The following DNAH7 variants were observed in gnomAD, a reference collection of about 807,000 sequenced individuals.
DNAH7 encodes the protein axonemal beta dynein heavy chain 7.
In DNAH7, 397 loss-of-function variants were observed where a neutral mutation model predicts 444.6. The observed-to-expected ratio is 0.89, with a 90% CI of 0.82 to 0.97. DNAH7 has a LOEUF of 0.97. Among genes scored for constraint, DNAH7 ranks in the 50% least tolerant of loss-of-function variants. The pLI is 0.00. For missense variants in DNAH7, 4,902 were observed against 4,800.8 expected, an observed-to-expected ratio of 1.02 and a Z score of -0.62; for synonymous variants, 1,636 against 1,624.4, an observed-to-expected ratio of 1.01 and a Z score of -0.17.
In DNAH7 at chr2:195,856,565, T is replaced by C. The variant is rs562611794; in HGVS notation, c.8415-574A>G. Among the ~76,000 whole-genome samples, 67 of 152,334 alleles carry C rather than the reference T, an allele frequency of 4.4e-4. 3 individuals carry two copies. Among genetic ancestry groups the C allele is most frequent in the Admixed American group, 2.4e-3 (37 of 15,294 alleles). ...AACATATATAGCACTACTATATATA[T>C]AGAATGATTAAAATTGGATATGAGT... On this transcript the variant is annotated intron_variant, in intron 44 of 64. Coordinates refer to ENST00000312428, the MANE Select transcript of DNAH7 (RefSeq NM_018897.3).
intron 38 of DNAH7, 129 bp downstream of exon 38, chr2:195,875,546 C>A (rs1227184823): frequency 5.7e-6 from 5 of 872,788 alleles, no homozygotes; most frequent in Non-Finnish European, 8.6e-6. Context: ...TGTTAGGTCA[C>A]AATAGATACA....
intron 63 of DNAH7, among the ~76,000 whole-genome samples, chr2:195,748,172 G>A (rs1693544567): frequency 6.6e-6 from 1 of 152,122 alleles, no homozygotes; most frequent in South Asian, 2.1e-4. Flanking sequence ...AAAATCACAA[G>A]CATTCTTATA....
chr2:195,868,974 T>C (rs1186598075), intron 40 of DNAH7, among the ~76,000 whole-genome samples: 5 of 151,642 alleles, frequency 3.3e-5, no homozygotes, highest in Non-Finnish European at 2.9e-5. Context: ...TGAACAGAAA[T>C]AAAGCACAAA....
At chr2:196,029,859 T>TGA (rs1217064075) in intron 5 of DNAH7, among the ~76,000 whole-genome samples, 3 of 147,390 alleles carry the variant, frequency 2.0e-5, no homozygotes, top group African/African-American at 8.0e-5. Flanking sequence ...AGAACTATAT[T>TGA]TATTTTTTTT....
At chr2:195,937,254 T>C (rs1018578874) in intron 19 of DNAH7, among the ~76,000 whole-genome samples, 2 of 152,122 alleles carry the variant, frequency 1.3e-5, no homozygotes, top group African/African-American at 2.4e-5. Context: ...GAGAAAAAAG[T>C]AAGGGTTGAG....
At position 195,988,187 on chromosome 2, in the gene DNAH7, T is replaced by C. The variant is rs370000539; in HGVS notation, c.1396A>G (p.Asn466Asp). 37 of 1,613,002 alleles carry C rather than the reference T, an allele frequency of 2.3e-5. No individual in the cohort carries two copies. The highest frequency in any genetic ancestry group is 3.0e-5 in the Non-Finnish European group (35 of 1,179,580). The stretch of plus-strand genomic sequence containing the variant: ...TCTTTGTGAGCATCTACAATTTCAT[T>C]CAGAATTATGGGCTTCAAGGTTGTT... ...KPTTLKPIIL[N>D]EIVDAHKEKI... The change falls in exon 13 of 65, where the codon AAT (asparagine) becomes GAT (aspartate). Residue 466 changes from asparagine to aspartate, a missense_variant. Transcript: ENST00000312428.
intron 15 of DNAH7, among the ~76,000 whole-genome samples, chr2:195,973,739 T>G (rs1357496712): frequency 6.6e-6 from 1 of 152,164 alleles, no homozygotes; most frequent in African/African-American, 2.4e-5. Context: ...CCCCAAATGC[T>G]GGAATTACAG....
chr2:196,039,503 A>G (rs1029384561), intron 5 of DNAH7, among the ~76,000 whole-genome samples: 3 of 152,192 alleles, frequency 2.0e-5, no homozygotes, highest in Non-Finnish European at 4.4e-5. Flanking sequence ...GTAGAACTAA[A>G]TAAGAGACCA....
chr2:195,742,766 G>C (rs1474655465), intron 63 of DNAH7, among the ~76,000 whole-genome samples: 2 of 152,182 alleles, frequency 1.3e-5, no homozygotes, highest in South Asian at 2.1e-4. Context: ...ATGCTGTGCA[G>C]TGCTGTCAAC....
intron 33 of DNAH7, 64 bp from the exon 34 acceptor site, chr2:195,886,336 G>T: frequency 6.9e-7 from 1 of 1,443,648 alleles, no homozygotes; most frequent in Non-Finnish European, 9.5e-7. Context: ...AATAGCCCCA[G>T]CTAATATTTA....
intron 61 of DNAH7, among the ~76,000 whole-genome samples, chr2:195,765,082 A>G (rs560813030): frequency 8.5e-5 from 13 of 152,300 alleles, no homozygotes; most frequent in African/African-American, 3.1e-4. Context: ...AGATAAATCC[A>G]TACATCTACA....
chr2:195,748,134 AT>A, intron 63 of DNAH7, among the ~76,000 whole-genome samples: 1 of 152,238 alleles, frequency 6.6e-6, no homozygotes, highest in Non-Finnish European at 1.5e-5. Context: ...AACTTCAGCA[AT>A]GTCTCAGGAT....
intron 10 of DNAH7, among the ~76,000 whole-genome samples, chr2:196,012,024 A>G (rs1694754394): frequency 6.6e-6 from 1 of 152,190 alleles, no homozygotes; most frequent in South Asian, 2.1e-4. Context: ...AATATCAAAG[A>G]ATTTTATTCT....
intron 19 of DNAH7, among the ~76,000 whole-genome samples, chr2:195,946,498 A>G (rs1221998964): frequency 2.0e-5 from 3 of 152,250 alleles, no homozygotes; most frequent in East Asian, 3.9e-4. Context: ...ATCTGTGCTC[A>G]TTACATACCC....
intron 61 of DNAH7, among the ~76,000 whole-genome samples, chr2:195,762,766 A>G (rs1476988652): frequency 6.6e-6 from 1 of 152,212 alleles, no homozygotes; most frequent in Non-Finnish European, 1.5e-5. Flanking sequence ...ACAGACACCA[A>G]TAAAAATAGT....
In DNAH7 at chr2:195,933,213, A is replaced by T. The variant is rs540109490; in HGVS notation, c.3471+1378T>A. Among the ~76,000 whole-genome samples the T allele has an allele frequency of 7.2e-5, 11 of 152,318 alleles. No homozygotes were observed. In the South Asian group the frequency reaches 2.3e-3, roughly 32 times the overall value. On this transcript the variant is annotated intron_variant, in intron 21 of 64. Transcript: ENST00000312428. ...AAACCACAATGAGATACCATCTCACACCAGTTAGAATGGCGATCATTAAAA... is the reference window on the plus strand; with the variant it reads ...AAACCACAATGAGATACCATCTCACTCCAGTTAGAATGGCGATCATTAAAA...
chr2:195,913,944 G>A (rs1451953562), intron 24 of DNAH7, among the ~76,000 whole-genome samples: 1 of 152,188 alleles, frequency 6.6e-6, no homozygotes, highest in Non-Finnish European at 1.5e-5. Flanking sequence ...TCAATCTCCT[G>A]ACCTCGTGAT....
At chr2:195,824,941 A>G (rs1697655477) in intron 48 of DNAH7, 1 of 152,534 alleles carries the variant, frequency 6.6e-6, no homozygotes, top group Non-Finnish European at 1.5e-5. Flanking sequence ...CTTCTCCCTA[A>G]TATTTTAATA....
intron 7 of DNAH7, among the ~76,000 whole-genome samples, chr2:196,025,718 T>C (rs1187914934): frequency 2.0e-5 from 3 of 152,202 alleles, no homozygotes; most frequent in Admixed American, 6.5e-5. Flanking sequence ...ATTTAGTTAA[T>C]TGTCTATCTC....
Sources: allele counts gnomAD v4.1 joint callset (sites outside exome capture counted in the v4.1 genomes callset), GRCh38; gene constraint gnomAD v4.1.1; transcripts MANE v1.5; gene names NCBI Gene and HGNC (gene_info 2026-07-23, HGNC 2026-07-21).